KIAA0586: variants seen among roughly 807,000 people sequenced by gnomAD.
The protein encoded by KIAA0586 is KIAA0586, also known as protein TALPID3.
Under a neutral mutation model 169.8 loss-of-function variants are expected in KIAA0586, and 144 were observed. The ratio of observed to expected loss-of-function variants is 0.85; its 90% confidence interval spans 0.74 to 0.97. The LOEUF is 0.97. KIAA0586 is among the 50% of genes least tolerant of loss of function. The pLI is 0.00. For missense variants in KIAA0586, 1,854 were observed against 1,823.0 expected (o/e 1.02, Z -0.31); for synonymous variants, 625 against 612.4 (o/e 1.02, Z -0.30).
rs2047155437 is a variant in KIAA0586, at chr14:58,549,665, C to G, written c.*1733C>G. The G allele has an allele frequency of 6.6e-6, 1 of 152,172 alleles. No homozygotes were observed. The highest frequency in any genetic ancestry group is 1.5e-5 in the Non-Finnish European group (1 of 68,062). 9.4% of individuals were successfully genotyped at this position (152,172 alleles called of 1,614,324 possible). On this transcript the variant is annotated 3_prime_UTR_variant, in exon 31 of 31. Coordinates refer to ENST00000652326, the MANE Select transcript of KIAA0586 (RefSeq NM_001329943.3). ...AAACAAGTGGAAGAAAAATTCTGCT[C>G]TGTGGATTTTAATTTGTTTTTGATA...
the KIAA0586 span, among the ~76,000 whole-genome samples, chr14:58,557,899 A>ATTTTTTTTTTTTTTTTTTTTTTTTT: frequency 1.3e-4 from 6 of 46,610 alleles, no homozygotes; most frequent in African/African-American, 2.9e-4. Context: ...ATCCTGAGAA[A>ATTTTTTTTTTTTTTTTTTTTTTTTT]TCTTTTTTTT....
intron 12 of KIAA0586, among the ~76,000 whole-genome samples, chr14:58,459,098 G>C (rs1008093182): frequency 5.9e-5 from 9 of 152,240 alleles, no homozygotes; most frequent in Non-Finnish European, 8.8e-5. Context: ...TGAGTGAGCG[G>C]AACTAGGCAG....
rs1295527033 is a variant in KIAA0586 at position 58,428,212 on chromosome 14, A to G, written c.-53A>G. The G allele has an allele frequency of 1.3e-6, 2 of 1,570,972 alleles. No individual in the cohort carries two copies. The highest frequency in any genetic ancestry group is 1.2e-5 in the South Asian group (1 of 84,630). On this transcript the variant is annotated 5_prime_UTR_variant, in exon 1 of 31. Coordinates refer to ENST00000652326, the MANE Select transcript of KIAA0586 (RefSeq NM_001329943.3). Reference sequence around the variant, plus strand: ...AATTTTGTTCTGAAGTCTTAAGGAAACAGAGAAAGTTTTTCCGTCCTTAAG... The same window carrying G: ...AATTTTGTTCTGAAGTCTTAAGGAAGCAGAGAAAGTTTTTCCGTCCTTAAG...
At chr14:58,515,566 G>A (rs1404876734) in intron 29 of KIAA0586, among the ~76,000 whole-genome samples, 1 of 152,048 alleles carries the variant, frequency 6.6e-6, no homozygotes, top group Non-Finnish European at 1.5e-5. Flanking sequence ...ATAGCTATCA[G>A]AACTACAATT....
intron 3 of KIAA0586, among the ~76,000 whole-genome samples, chr14:58,431,166 G>A (rs927054818): frequency 6.6e-6 from 1 of 152,108 alleles, no homozygotes; most frequent in African/African-American, 2.4e-5. Flanking sequence ...CCCAAATTAA[G>A]CTATCACTAG....
At chr14:58,472,917 A>G (rs751466041) in intron 18 of KIAA0586, among the ~76,000 whole-genome samples, 1 of 142,894 alleles carries the variant, frequency 7.0e-6, no homozygotes, top group Non-Finnish European at 1.5e-5. Context: ...AGAGGTGTGC[A>G]GTATATTAAT....
chr14:58,538,646 C>T (rs1189046811), intron 29 of KIAA0586, among the ~76,000 whole-genome samples: 2 of 151,582 alleles, frequency 1.3e-5, no homozygotes, highest in Admixed American at 1.3e-4. Context: ...GTTGTGCTAG[C>T]AAATTACTGG....
chr14:58,514,639 T>C (rs958603002), intron 29 of KIAA0586, among the ~76,000 whole-genome samples: 3 of 152,016 alleles, frequency 2.0e-5, no homozygotes, highest in Admixed American at 1.3e-4. Flanking sequence ...TTTTTCCACC[T>C]TGATTATTAC....
intron 29 of KIAA0586, among the ~76,000 whole-genome samples, chr14:58,532,214 T>C (rs905447295): frequency 6.6e-6 from 1 of 152,008 alleles, no homozygotes; most frequent in African/African-American, 2.4e-5. Flanking sequence ...AAAGTATGCC[T>C]GAACATGTAT....
At chr14:58,533,342 A>G (rs958160559) in intron 29 of KIAA0586, among the ~76,000 whole-genome samples, 1 of 152,236 alleles carries the variant, frequency 6.6e-6, no homozygotes, top group Admixed American at 6.5e-5. Flanking sequence ...AAGAAATGAA[A>G]TATTTATCTT....
Position 58,443,991 on chromosome 14 carries a change from C to A in KIAA0586, c.623C>A (p.Thr208Lys). The stretch of plus-strand genomic sequence containing the variant: ...TTGGAAGCAAAAGTCAATTCTGTTA[C>A]AGAATTACTTAGTAAATTACAGGAG... The part of the protein sequence containing the change: ...SDLEAKVNSV[T>K]ELLSKLQETD... The change falls in exon 6 of 31, where the codon ACA (threonine) becomes AAA (lysine). Residue 208 changes from threonine to lysine, a missense_variant. Physicochemically the swap from Thr to Lys is moderately conservative, Grantham distance 78. Coordinates refer to ENST00000652326, the MANE Select transcript of KIAA0586 (RefSeq NM_001329943.3). The A allele has an allele frequency of 6.2e-7, 1 of 1,609,822 alleles. No individual in the cohort carries two copies. Among genetic ancestry groups the A allele is most frequent in the Non-Finnish European group, 8.5e-7 (1 of 1,177,554 alleles).
chr14:58,448,937 A>C (rs2039131218), intron 7 of KIAA0586, among the ~76,000 whole-genome samples: 1 of 152,184 alleles, frequency 6.6e-6, no homozygotes, highest in African/African-American at 2.4e-5. Context: ...TACATTTTTA[A>C]ACCATTTCTA....
At chr14:58,490,574 C>G (rs994738251) in intron 25 of KIAA0586, among the ~76,000 whole-genome samples, 1 of 152,048 alleles carries the variant, frequency 6.6e-6, no homozygotes, top group African/African-American at 2.4e-5. Context: ...TAAACCAACT[C>G]TCTTGTAATA....
chr14:58,482,434 T>A (rs948096249), intron 20 of KIAA0586, 79 bp from the exon 21 acceptor site: 51 of 963,152 alleles, frequency 5.3e-5, no homozygotes, highest in Admixed American at 1.5e-4. Context: ...TCGAGAAAAA[T>A]AATAATAATA....
chr14:58,507,879 G>A (rs904622514), intron 27 of KIAA0586, among the ~76,000 whole-genome samples: 1 of 152,032 alleles, frequency 6.6e-6, no homozygotes, highest in Non-Finnish European at 1.5e-5. Context: ...CCGCCTCCTG[G>A]GTTCAAGCGA....
At chr14:58,464,294 T>A (rs2040565583) in intron 14 of KIAA0586, among the ~76,000 whole-genome samples, 1 of 130,040 alleles carries the variant, frequency 7.7e-6, no homozygotes, top group African/African-American at 2.9e-5. Context: ...TGCATTCTTA[T>A]CACATACTAT....
At position 58,467,993 on chromosome 14, in the gene KIAA0586, T is replaced by C. The variant is rs1342706499; in HGVS notation, c.2442+71T>C. The C allele has an allele frequency of 6.9e-6, 6 of 865,940 alleles. No homozygotes were observed. The East Asian group carries it at 1.5e-4, about 22-fold the overall frequency. 53.6% of individuals were successfully genotyped at this position (865,940 alleles called of 1,614,324 possible). Reference sequence around the variant, plus strand: ...TTTTTGCTTAACGTTAGTACGGAAATCCATTATATTGCTTCATAAAAATAT... The same window carrying C: ...TTTTTGCTTAACGTTAGTACGGAAACCCATTATATTGCTTCATAAAAATAT... On this transcript the variant is annotated intron_variant, in intron 16 of 30. Coordinates refer to ENST00000652326, the MANE Select transcript of KIAA0586 (RefSeq NM_001329943.3).
At chr14:58,507,158 A>AG (rs2044018294) in intron 27 of KIAA0586, among the ~76,000 whole-genome samples, 1 of 30,712 alleles carries the variant, frequency 3.3e-5, no homozygotes, top group Non-Finnish European at 6.9e-5. Flanking sequence ...TTAAAAAAAA[A>AG]AAAAGTGTAT....
chr14:58,539,763 A>C (rs1046178261), intron 29 of KIAA0586: 1 of 211,910 alleles, frequency 4.7e-6, no homozygotes, highest in Non-Finnish European at 9.4e-6. Flanking sequence ...CCTTTGAAGA[A>C]ATGGCCCATT....
Sources: gnomAD v4.1 joint callset for allele counts (sites outside exome capture counted in the v4.1 genomes callset) on GRCh38, gnomAD v4.1.1 for gene constraint, MANE v1.5 for transcripts, NCBI Gene and HGNC (gene_info 2026-07-23, HGNC 2026-07-21) for gene names.